NAV3: variants seen among roughly 807,000 people sequenced by gnomAD.
NAV3 encodes pore membrane and/or filament interacting like protein 1.
NAV3 carries 87 observed loss-of-function variants against 244.7 expected under a neutral mutation model. The ratio of observed to expected loss-of-function variants is 0.36; its 90% CI spans 0.30 to 0.42. The LOEUF (loss-of-function observed/expected upper bound fraction) is 0.42. Among genes scored for constraint, NAV3 ranks in the 20% least tolerant of loss-of-function variants. NAV3 has a pLI of 1.00. For missense variants in NAV3, 2,663 were observed against 2,893.3 expected (o/e 0.92, Z 1.83); for synonymous variants, 1,126 against 1,042.2 (o/e 1.08, Z -1.55).
At chr12:77,925,568 C>G (rs993800115) in intron 1 of NAV3, among the ~76,000 whole-genome samples, 1 of 151,894 alleles carries the variant, frequency 6.6e-6, no homozygotes, top group African/African-American at 2.4e-5. Flanking sequence ...GCTGTTAATG[C>G]TATGACTTCT....
chr12:77,587,950 T>C (rs75547435), intron 2 of NAV3, among the ~76,000 whole-genome samples: 1,526 of 152,334 alleles, frequency 0.01, 22 homozygotes, highest in African/African-American at 0.034. Flanking sequence ...AAGACACATA[T>C]ATAATAGTTT....
Position 78,119,410 on chromosome 12 carries a change from G to T in NAV3, c.3214G>T (p.Gly1072Ter). The change falls in exon 15 of 40, where the codon GGA (glycine) becomes TGA (stop). Residue 1072 changes from glycine to a stop codon, truncating the protein, a stop_gained. Coordinates refer to ENST00000397909, the MANE Select transcript of NAV3 (RefSeq NM_001024383.2). LOFTEE classifies it high-confidence loss of function. ...CTCCTTTGGCTTTAAGAAACCAAGTGGAGTAGGGTCATCTGCCATGATCAC... is the reference window on the plus strand; with the variant it reads ...CTCCTTTGGCTTTAAGAAACCAAGTTGAGTAGGGTCATCTGCCATGATCAC... ...TSSFGFKKPS[G>*]VGSSAMITSS... is the part of the protein sequence containing the mutation. 1 of 1,614,148 alleles carries T rather than the reference G, an allele frequency of 6.2e-7. No individual in the cohort carries two copies. The highest frequency in any genetic ancestry group is 1.1e-5 in the South Asian group (1 of 91,074).
rs374863171 is a variant in NAV3 at position 78,205,082 on chromosome 12, A to G, written c.6982A>G (p.Lys2328Glu). The G allele has an allele frequency of 6.8e-6, 11 of 1,613,466 alleles. No individual in the cohort carries two copies. The African/African-American group carries it at 1.2e-4, about 18-fold the overall frequency. Residue 2328 changes from lysine to glutamate, a missense_variant, in exon 39 of 40, where the codon AAG becomes GAG. Transcript: ENST00000397909. ...TGGGTATGAAAGCTGCACATCCACT[A>G]AGGAAGCCACAACCTCAAAGCACAT... ...DVGYESCTST[K>E]EATTSKHIPQ...
intron 20 of NAV3, chr12:78,144,943 A>AAAAAAAAAAAAAAAAAAAAAAAAAC (rs1956800303): frequency 1.6e-5 from 1 of 63,656 alleles, no homozygotes; most frequent in Non-Finnish European, 3.1e-5. Flanking sequence ...AAAAAAAAAA[A>AAAAAAAAAAAAAAAAAAAAAAAAAC]AAAAGAAAGA....
chr12:78,069,159 A>G (rs1289295515), intron 12 of NAV3, among the ~76,000 whole-genome samples: 2 of 151,848 alleles, frequency 1.3e-5, no homozygotes, highest in South Asian at 4.1e-4. Flanking sequence ...TTCTTGCTTG[A>G]CTTAATTTGC....
chr12:77,668,889 G>A (rs1469534946), intron 2 of NAV3, among the ~76,000 whole-genome samples: 1 of 152,080 alleles, frequency 6.6e-6, no homozygotes, highest in Non-Finnish European at 1.5e-5. Context: ...ATCTTAAGAG[G>A]TGTGAGGCAA....
intron 2 of NAV3, among the ~76,000 whole-genome samples, chr12:77,686,249 C>A (rs1480566085): frequency 1.3e-5 from 2 of 152,064 alleles, no homozygotes; most frequent in Non-Finnish European, 2.9e-5. Context: ...TAGGCCACCA[C>A]ACCTGGCTAG....
intron 5 of NAV3, among the ~76,000 whole-genome samples, chr12:77,976,674 C>CTTTTTTTTTTTTTT (rs869041498): frequency 1.7e-4 from 14 of 83,424 alleles, no homozygotes; most frequent in Non-Finnish European, 2.0e-4. Flanking sequence ...TTCTTTTTTT[C>CTTTTTTTTTTTTTT]TTTTTTTTTT....
At chr12:77,811,708 A>G (rs1342568432) in intron 2 of NAV3, among the ~76,000 whole-genome samples, 1 of 152,206 alleles carries the variant, frequency 6.6e-6, no homozygotes, top group Non-Finnish European at 1.5e-5. Context: ...TGGAATTGTC[A>G]AGGAAGGTCT....
intron 12 of NAV3, among the ~76,000 whole-genome samples, chr12:78,064,522 G>A (rs1476076240): frequency 6.6e-6 from 1 of 151,780 alleles, no homozygotes; most frequent in Non-Finnish European, 1.5e-5. Context: ...AAGGGCACCA[G>A]TGCTATTAGA....
intron 5 of NAV3, among the ~76,000 whole-genome samples, chr12:77,986,885 C>T (rs910315655): frequency 1.3e-5 from 2 of 151,978 alleles, no homozygotes; most frequent in African/African-American, 2.4e-5. Flanking sequence ...AAAAATGTTC[C>T]ATGATTGATT....
At chr12:78,110,575 TA>T (rs1208354946) in intron 12 of NAV3, among the ~76,000 whole-genome samples, 2 of 151,058 alleles carry the variant, frequency 1.3e-5, no homozygotes, top group Non-Finnish European at 3.0e-5. Flanking sequence ...TTTGTACAAA[TA>T]AAAAAATGTA....
chr12:77,754,053 T>A (rs1047655704), intron 2 of NAV3, among the ~76,000 whole-genome samples: 11 of 152,200 alleles, frequency 7.2e-5, no homozygotes, highest in Admixed American at 7.2e-4. Context: ...ATTAATACTT[T>A]TAAATTATGA....
chr12:77,616,273 G>A, intron 2 of NAV3, among the ~76,000 whole-genome samples: 1 of 151,988 alleles, frequency 6.6e-6, no homozygotes, highest in East Asian at 1.9e-4. Flanking sequence ...CAGGCATGGT[G>A]GTGGGCACCT....
chr12:78,191,468 CAT>C (rs1260417383), intron 34 of NAV3, among the ~76,000 whole-genome samples: 1 of 152,156 alleles, frequency 6.6e-6, no homozygotes, highest in African/African-American at 2.4e-5. Flanking sequence ...CACACACACA[CAT>C]CTTTGTTCAA....
intron 2 of NAV3, among the ~76,000 whole-genome samples, chr12:77,669,811 A>G (rs1565763581): frequency 6.6e-6 from 1 of 152,152 alleles, no homozygotes; most frequent in Non-Finnish European, 1.5e-5. Context: ...AAAGTCAACA[A>G]AGAAACAGTG....
chr12:78,179,768 T>C, intron 29 of NAV3, 86 bp downstream of exon 29: 1 of 1,432,652 alleles, frequency 7.0e-7, no homozygotes, highest in Non-Finnish European at 9.4e-7. Flanking sequence ...ACAGAATAAA[T>C]TCCACTTGGA....
intron 2 of NAV3, among the ~76,000 whole-genome samples, chr12:77,744,969 A>T (rs1029100982): frequency 6.6e-6 from 1 of 152,014 alleles, no homozygotes; most frequent in African/African-American, 2.4e-5. Flanking sequence ...TTGGTACTAG[A>T]TAACTCTATC....
chr12:77,611,146 G>A (rs1331384843), intron 2 of NAV3, among the ~76,000 whole-genome samples: 4 of 151,842 alleles, frequency 2.6e-5, no homozygotes, highest in African/African-American at 7.2e-5. Flanking sequence ...TATCTAATAA[G>A]CCACATCAGA....
Sources: gnomAD v4.1 joint callset for allele counts (sites outside exome capture counted in the v4.1 genomes callset) on GRCh38, gnomAD v4.1.1 for gene constraint, MANE v1.5 for transcripts, NCBI Gene and HGNC (gene_info 2026-07-23, HGNC 2026-07-21) for gene names.